The following HSD11B2 variants were observed in gnomAD, a reference collection of about 807,000 sequenced individuals.
HSD11B2 encodes the protein hydroxysteroid 11-beta dehydrogenase 2.
A neutral mutation model predicts 20.9 loss-of-function variants in HSD11B2; 17 were observed. The ratio of observed to expected loss-of-function variants is 0.81; its 90% confidence interval spans 0.56 to 1.22. The LOEUF (loss-of-function observed/expected upper bound fraction) is 1.22, where lower values mean the gene tolerates loss of function less well. Ranked by LOEUF, HSD11B2 falls within the 50% of genes most tolerant of loss-of-function variation. The pLI is 0.00. For synonymous variants in HSD11B2, 253 were observed against 255.4 expected, an observed-to-expected ratio of 0.99 and a Z score of 0.09; for missense variants, 480 against 563.6, an observed-to-expected ratio of 0.85 and a Z score of 1.50.
intron 2 of HSD11B2, 24 bp from the exon 3 acceptor site, chr16:67,435,932 TC>T: frequency 6.2e-7 from 1 of 1,614,086 alleles, no homozygotes; most frequent in Non-Finnish European, 8.5e-7. Context: ...ACCTAAGGCT[TC>T]CCTCCTCTGC....
Position 67,437,059 on chromosome 16 carries a change from G to T in HSD11B2, c.*56G>T. On this transcript the variant is annotated 3_prime_UTR_variant, in exon 5 of 5. Coordinates refer to ENST00000326152, the MANE Select transcript of HSD11B2 (RefSeq NM_000196.4). ...GCACAGGAGGCTCCGTGAGCCCTTG[G>T]TTCCTCCCCGAAAACCCCCAGCATT... is the stretch of plus-strand genomic sequence containing the variant. 1 of 1,554,688 alleles carries T rather than the reference G, an allele frequency of 6.4e-7. No homozygotes were observed. Among genetic ancestry groups the T allele is most frequent in the Non-Finnish European group, 8.7e-7 (1 of 1,146,114 alleles).
rs756695833 is a variant in HSD11B2, at chr16:67,435,761, G to C, written c.399G>C (p.Arg133Ser). The C allele has an allele frequency of 5.6e-6, 9 of 1,613,984 alleles. No individual in the cohort carries two copies. The highest frequency in any genetic ancestry group is 6.8e-6 in the Non-Finnish European group (8 of 1,180,036). The change falls in exon 2 of 5, where the codon AGG (arginine) becomes AGC (serine). Residue 133 changes from arginine (R) to serine (S), a missense_variant. Coordinates refer to ENST00000326152, the MANE Select transcript of HSD11B2 (RefSeq NM_000196.4). Reference sequence around the variant, plus strand: ...GTACCTGCTGCTCCCCTCGCCTAAGGCTGCTGCAGATGGACCTGACCAAAC... The same window carrying C: ...GTACCTGCTGCTCCCCTCGCCTAAGCCTGCTGCAGATGGACCTGACCAAAC... ...ELRTCCSPRLRLLQMDLTKPG... is the reference protein window; with the variant it reads ...ELRTCCSPRLSLLQMDLTKPG...
At chr16:67,434,395 C>T (rs183390334) in intron 1 of HSD11B2, among the ~76,000 whole-genome samples, 1 of 152,282 alleles carries the variant, frequency 6.6e-6, no homozygotes, top group Non-Finnish European at 1.5e-5. Context: ...GGGCCTGAGC[C>T]AGGGAGCTTG....
In HSD11B2 at chr16:67,436,584, C is replaced by G. The variant is rs777046730; in HGVS notation, c.803-4C>G. On this transcript the variant is annotated splice_polypyrimidine_tract_variant and splice_region_variant and intron_variant, in intron 4 of 4. Coordinates refer to ENST00000326152, the MANE Select transcript of HSD11B2 (RefSeq NM_000196.4). This position sits in a 1 kb window ranked among gnomAD's most constrained non-coding sequence, Gnocchi z 5.7. The stretch of plus-strand genomic sequence containing the variant: ...CCACTCTGACCTTGCCACTCCTTCC[C>G]CAGAGTCAGTGAGAAACGTGGGTCA... The G allele has an allele frequency of 1.3e-5, 21 of 1,613,914 alleles. No homozygotes were observed. Among genetic ancestry groups the G allele is most frequent in the Non-Finnish European group, 1.8e-5 (21 of 1,180,000 alleles).
rs751992195 is a variant in HSD11B2 at position 67,436,863 on chromosome 16, C to T, written c.1078C>T (p.Arg360Cys). Residue 360 changes from arginine to cysteine, a missense_variant, in exon 5 of 5, where the codon CGC (arginine) becomes TGC (cysteine). By Grantham distance (180) the Arg-to-Cys change is radical. Around this residue, in one of 2 missense-constraint regions of HSD11B2, gnomAD observed 374 missense variants for 480.9 expected, o/e 0.78. Transcript: ENST00000326152. The surrounding 1 kb of genome is among the most constrained non-coding windows in gnomAD (Gnocchi z 5.7). ...CTACTACCTGCCTGAAGGCCTGCGGCGCCGCTTCCTGCAGGCCTTCTTCAT... is the reference window on the plus strand; with the variant it reads ...CTACTACCTGCCTGAAGGCCTGCGGTGCCGCTTCCTGCAGGCCTTCTTCAT... ...IHYYLPEGLRRRFLQAFFISH... is the reference protein window; with the variant it reads ...IHYYLPEGLRCRFLQAFFISH... The T allele has an allele frequency of 3.7e-6, 6 of 1,613,572 alleles. No individual in the cohort carries two copies. Among genetic ancestry groups the T allele is most frequent in the Admixed American group, 3.3e-5 (2 of 60,036 alleles).
intron 1 of HSD11B2, among the ~76,000 whole-genome samples, chr16:67,434,176 G>T (rs2040953321): frequency 6.6e-6 from 1 of 152,222 alleles, no homozygotes; most frequent in African/African-American, 2.4e-5. Context: ...TGTGGGAAAG[G>T]ATTCAAATGT....
chr16:67,436,075 GAC>G lies in HSD11B2; in HGVS notation c.598_599del (p.Thr200GlnfsTer49). On this transcript the variant is annotated frameshift_variant, in exon 3 of 5. Transcript: ENST00000326152. LOFTEE classifies it high-confidence loss of function. This position sits in a 1 kb window ranked among gnomAD's most constrained non-coding sequence, Gnocchi z 5.7. ...TGAATTTCTTTGGCGCGCTCGAGCT[GAC>G]CAAGGGCCTCCTGCCCCTGCTGCGC... ...EVNFFGALEL[T>X]KGLLPLLRSS... 1 of 1,614,192 alleles carries G rather than the reference GAC, an allele frequency of 6.2e-7. No homozygotes were observed. Among genetic ancestry groups the G allele is most frequent in the South Asian group, 1.1e-5 (1 of 91,084 alleles).
intron 1 of HSD11B2, among the ~76,000 whole-genome samples, chr16:67,432,451 C>T (rs750352854): frequency 6.6e-6 from 1 of 152,150 alleles, no homozygotes; most frequent in African/African-American, 2.4e-5. Flanking sequence ...TCAGAGACCT[C>T]GGTCTAGTAG....
At position 67,437,073 on chromosome 16, in the gene HSD11B2, A is replaced by AC. The variant is rs2040983154; in HGVS notation, c.*75dup. 2.0e-6 allele frequency: 3 copies of AC among 1,480,962 alleles called. No individual in the cohort carries two copies. The Admixed American group carries it at 5.6e-5, about 28-fold the overall frequency. 91.7% of individuals were successfully genotyped at this position (1,480,962 alleles called of 1,614,324 possible). On this transcript the variant is annotated 3_prime_UTR_variant, in exon 5 of 5. Transcript: ENST00000326152. ...GTGAGCCCTTGGTTCCTCCCCGAAA[A>AC]CCCCCAGCATTACGATCCCCCAAGT...
rs776852403 is a variant in HSD11B2 at position 67,431,290 on chromosome 16, C to A, written c.42C>A (p.Leu14=). The change falls in exon 1 of 5, where the codon CTC becomes CTA. Residue 14 remains leucine, a synonymous_variant. Transcript: ENST00000326152. Reference sequence around the variant, plus strand: ...GGCCGTCGGGCGGCGCCTGGCTGCTCGTGGCTGCCCGCGCGCTGCTGCAGC... The same window carrying A: ...GGCCGTCGGGCGGCGCCTGGCTGCTAGTGGCTGCCCGCGCGCTGCTGCAGC... The part of the protein sequence containing the change: ...WPWPSGGAWL[L]VAARALLQLL... 2 of 1,266,786 alleles carry A rather than the reference C, an allele frequency of 1.6e-6. No homozygotes were observed. The highest frequency in any genetic ancestry group is 2.1e-5 in the South Asian group (1 of 47,044). The allele number at this position is 1,266,786 out of a possible 1,614,324, so 78.5% of individuals were successfully genotyped here.
Position 67,436,463 on chromosome 16 carries a change from G to C in HSD11B2, c.802+77G>C. 1 of 1,536,476 alleles carries C rather than the reference G, an allele frequency of 6.5e-7. No individual in the cohort carries two copies. The highest frequency in any genetic ancestry group is 8.8e-7 in the Non-Finnish European group (1 of 1,133,224). ...GGTCTTATGGGGGCAGGTCAGGTTT[G>C]ATGAATGGTCATGGTTTTGGTTGGG... On this transcript the variant is annotated intron_variant, in intron 4 of 4. Transcript: ENST00000326152. The surrounding 1 kb of genome is among the most constrained non-coding windows in gnomAD (Gnocchi z 5.7).
chr16:67,431,342 C>G lies in HSD11B2; in HGVS notation c.94C>G (p.Arg32Gly), dbSNP rs1337711885. The change falls in exon 1 of 5, where the codon CGC becomes GGC. Residue 32 changes from arginine to glycine, a missense_variant. Arg to Gly is a moderately radical substitution (Grantham distance 125). This residue lies in a region of HSD11B2 where 106 missense variants were observed against 82.8 expected (regional missense o/e 1.28). Transcript: ENST00000326152. ...GCTGCGCTCAGACCTGCGTCTGGGCCGCCCGCTGCTGGCGGCGCTGGCGCT... is the reference window on the plus strand; with the variant it reads ...GCTGCGCTCAGACCTGCGTCTGGGCGGCCCGCTGCTGGCGGCGCTGGCGCT... ...QLLRSDLRLGRPLLAALALLA... is the reference protein window; with the variant it reads ...QLLRSDLRLGGPLLAALALLA... The G allele has an allele frequency of 1.6e-6, 2 of 1,243,234 alleles. No homozygotes were observed. The highest frequency in any genetic ancestry group is 2.0e-6 in the Non-Finnish European group (2 of 983,792). The allele number at this position is 1,243,234 out of a possible 1,614,324, so 77.0% of individuals were successfully genotyped here.
chr16:67,431,011 G>C (rs750090131), upstream of HSD11B2: 16 of 211,602 alleles, frequency 7.6e-5, no homozygotes, highest in Non-Finnish European at 1.1e-4. Flanking sequence ...CCTGCCCTGC[G>C]GGGGGTGCCG....
chr16:67,435,165 T>C lies in HSD11B2; in HGVS notation c.266-463T>C, dbSNP rs557365914. On this transcript the variant is annotated intron_variant, in intron 1 of 4. Coordinates refer to ENST00000326152, the MANE Select transcript of HSD11B2 (RefSeq NM_000196.4). ...TTGCAGTGAGCCAAGATCATGCCAC[T>C]GCACTCCAGCCTGGGCAACAGAGCG... Among the ~76,000 whole-genome samples, 23 of 144,164 alleles carry C rather than the reference T, an allele frequency of 1.6e-4. 1 individual carries two copies. Among genetic ancestry groups the C allele is most frequent in the African/African-American group, 5.8e-4 (22 of 37,862 alleles). The allele number at this position is 144,164 out of a possible 152,430, so 94.6% of individuals were successfully genotyped here.
At chr16:67,433,224 T>G (rs2040945321) in intron 1 of HSD11B2, 2 of 152,076 alleles carry the variant, frequency 1.3e-5, no homozygotes, top group Non-Finnish European at 2.9e-5. Flanking sequence ...CCCGAACACT[T>G]GGGGGTTGTC....
chr16:67,432,259 A>C (rs867361448), intron 1 of HSD11B2, among the ~76,000 whole-genome samples: 3 of 103,418 alleles, frequency 2.9e-5, no homozygotes, highest in East Asian at 3.1e-4. Flanking sequence ...GGGAAGGGGA[A>C]GGGGGGGGGG....
Position 67,435,746 on chromosome 16 carries a change from C to T in HSD11B2, c.384C>T (p.Cys128=), listed in dbSNP as rs2142288658. ...GTGCCATCGAGCTGCGTACCTGCTG[C>T]TCCCCTCGCCTAAGGCTGCTGCAGA... ...SPGAIELRTC[C]SPRLRLLQMD... Residue 128 remains cysteine (C), a synonymous_variant, in exon 2 of 5, where the codon TGC becomes TGT. Transcript: ENST00000326152. The T allele has an allele frequency of 1.9e-6, 3 of 1,614,102 alleles. No individual in the cohort carries two copies. The highest frequency in any genetic ancestry group is 3.3e-4 in the Middle Eastern group (2 of 6,062).
chr16:67,435,779 G>C lies in HSD11B2; in HGVS notation c.417G>C (p.Leu139=). 6.2e-7 allele frequency: 1 copy of C among 1,614,120 alleles called. No individual in the cohort carries two copies. The change falls in exon 2 of 5, where the codon CTG becomes CTC. Residue 139 remains leucine, a synonymous_variant. Coordinates refer to ENST00000326152, the MANE Select transcript of HSD11B2 (RefSeq NM_000196.4). ...GCCTAAGGCTGCTGCAGATGGACCT[G>C]ACCAAACCAGGAGACATTAGCCGCG... ...SPRLRLLQMD[L]TKPGDISRVL... is the part of the protein sequence containing the mutation.
Position 67,436,932 on chromosome 16 carries a change from A to G in HSD11B2, c.1147A>G (p.Thr383Ala), listed in dbSNP as rs200789660. 1.9e-6 allele frequency: 3 copies of G among 1,612,312 alleles called. No homozygotes were observed. The highest frequency in any genetic ancestry group is 1.1e-5 in the South Asian group (1 of 91,082). ...PRALQPGQPGTTPPQDAAQDP... is the reference protein window; with the variant it reads ...PRALQPGQPGATPPQDAAQDP... Reference sequence around the variant, plus strand: ...AGCACTGCAGCCTGGCCAGCCTGGCACTACCCCACCACAGGACGCAGCCCA... The same window carrying G: ...AGCACTGCAGCCTGGCCAGCCTGGCGCTACCCCACCACAGGACGCAGCCCA... Residue 383 changes from threonine to alanine, a missense_variant, in exon 5 of 5, where the codon ACT becomes GCT. This residue lies in a region of HSD11B2 where 374 missense variants were observed against 480.9 expected (regional missense o/e 0.78). Coordinates refer to ENST00000326152, the MANE Select transcript of HSD11B2 (RefSeq NM_000196.4). This position sits in a 1 kb window ranked among gnomAD's most constrained non-coding sequence, Gnocchi z 5.7.
Sources: gnomAD v4.1 joint callset for allele counts (sites outside exome capture counted in the v4.1 genomes callset) on GRCh38, gnomAD v4.1.1 for gene constraint, gnomAD v4.1.1 regional missense constraint, Gnocchi (gnomAD v3.1) non-coding constraint, MANE v1.5 for transcripts, NCBI Gene and HGNC (gene_info 2026-07-23, HGNC 2026-07-21) for gene names.